CDH26: variants seen among roughly 807,000 people sequenced by gnomAD.
CDH26 encodes cadherin-like protein 26.
A neutral mutation model predicts 90.3 loss-of-function variants in CDH26; 83 were observed. The observed-to-expected ratio is 0.92, with a 90% confidence interval of 0.77 to 1.10. The LOEUF is 1.10. Ranked by LOEUF, CDH26 falls within the 50% of genes least tolerant of loss-of-function variation. The probability of loss-of-function intolerance (pLI) is 0.00; values close to 1 mark genes in which losing one functional copy is unlikely to be tolerated. For synonymous variants in CDH26, 397 were observed against 396.3 expected (o/e 1.00, Z -0.02); for missense variants, 1,013 against 1,037.6 (o/e 0.98, Z 0.33).
rs1432064461 is a variant in CDH26 at position 59,972,045 on chromosome 20, G to T, written c.315G>T (p.Leu105Phe). The change falls in exon 4 of 18, where the codon TTG becomes TTT. Residue 105 changes from leucine (L) to phenylalanine (F), a missense_variant. By Grantham distance (22) the Leu-to-Phe change is conservative. Transcript: ENST00000348616. ...PGVDEYPEIG[L>F]FSLEDHENGR... is the part of the protein sequence containing the mutation. Reference sequence around the variant, plus strand: ...TGGATGAATATCCAGAGATTGGTTTGTTTTCTCTAGAAGATCATGAGAACG... The same window carrying T: ...TGGATGAATATCCAGAGATTGGTTTTTTTTCTCTAGAAGATCATGAGAACG... The T allele has an allele frequency of 6.2e-7, 1 of 1,613,794 alleles. No homozygotes were observed. Among genetic ancestry groups the T allele is most frequent in the East Asian group, 2.2e-5 (1 of 44,858 alleles).
At chr20:59,997,125 A>G (rs1178208499) in intron 13 of CDH26, among the ~76,000 whole-genome samples, 1 of 152,234 alleles carries the variant, frequency 6.6e-6, no homozygotes, top group Admixed American at 6.5e-5. Flanking sequence ...TATCTGCCCC[A>G]GTTTCCTAAG....
chr20:59,989,534 C>CA (rs924037162), intron 9 of CDH26, among the ~76,000 whole-genome samples: 11,682 of 74,132 alleles, frequency 0.16, 619 homozygotes, highest in South Asian at 0.22. Context: ...GACTCCGTCT[C>CA]AAAAAAAAAA....
intron 7 of CDH26, among the ~76,000 whole-genome samples, chr20:60,025,086 GC>G (rs778861309): frequency 1.3e-5 from 2 of 152,206 alleles, no homozygotes; most frequent in Admixed American, 6.5e-5. Context: ...CCTCACACTG[GC>G]AGGCCAAAAA....
chr20:59,967,850 TTTCTTTCTTTC>T (rs1403564940), intron 1 of CDH26, among the ~76,000 whole-genome samples: 1 of 107,346 alleles, frequency 9.3e-6, no homozygotes, highest in Non-Finnish European at 1.8e-5. Flanking sequence ...TCTTTCTTTC[TTTCTTTCTTTC>T]TTTCTTTCTT....
chr20:59,975,122 C>CA (rs2061312902), intron 4 of CDH26, among the ~76,000 whole-genome samples: 1 of 152,058 alleles, frequency 6.6e-6, no homozygotes, highest in Non-Finnish European at 1.5e-5. Context: ...TTGTGTCTCC[C>CA]AAAAATACAT....
intron 14 of CDH26, among the ~76,000 whole-genome samples, chr20:60,000,061 A>C (rs2061655475): frequency 6.6e-6 from 1 of 152,232 alleles, no homozygotes; most frequent in Admixed American, 6.5e-5. Flanking sequence ...TGTAAATGAA[A>C]ACAGTTTTAC....
chr20:59,989,189 G>T, intron 9 of CDH26, 26 bp downstream of exon 9: 3 of 1,611,510 alleles, frequency 1.9e-6, no homozygotes, highest in South Asian at 1.1e-5. Flanking sequence ...CAAGAAGGGC[G>T]GTTGTTTAAG....
downstream of CDH26, among the ~76,000 whole-genome samples, chr20:60,016,475 C>A (rs374427428): frequency 1.4e-4 from 22 of 152,266 alleles, no homozygotes; most frequent in South Asian, 4.3e-3. Flanking sequence ...TCTCCAGCAA[C>A]TTTGCTGAAT....
intron 4 of CDH26, among the ~76,000 whole-genome samples, chr20:59,977,006 G>A (rs942692532): frequency 2.0e-5 from 3 of 152,104 alleles, no homozygotes; most frequent in South Asian, 4.1e-4. Context: ...TCGGCGGAAG[G>A]TGCAGTCTTG....
At chr20:59,995,025 A>C (rs575187238) in intron 11 of CDH26, among the ~76,000 whole-genome samples, 82 of 152,324 alleles carry the variant, frequency 5.4e-4, no homozygotes, top group Non-Finnish European at 8.5e-4. Context: ...ACTGGCATCC[A>C]CTGTCAACAC....
intron 7 of CDH26, among the ~76,000 whole-genome samples, chr20:60,028,748 A>G (rs769809349): frequency 5.9e-5 from 9 of 152,196 alleles, no homozygotes; most frequent in Non-Finnish European, 1.3e-4. Context: ...GTAAAATGGT[A>G]CTGCTGCTGT....
At chr20:60,015,286 C>T (rs1277759121), downstream of CDH26, among the ~76,000 whole-genome samples, 12 of 152,176 alleles carry the variant, frequency 7.9e-5, no homozygotes, top group Admixed American at 7.9e-4. Flanking sequence ...GCATCTGGCC[C>T]AGCATTGGCT....
chr20:60,033,510 A>G, exon 9 of CDH26: 4 of 1,304,300 alleles, frequency 3.1e-6, no homozygotes, highest in Non-Finnish European at 4.0e-6. Flanking sequence ...GCTGGGAGAA[A>G]GCAAAGGAGC....
chr20:59,977,616 T>G (rs1282819528), intron 4 of CDH26, among the ~76,000 whole-genome samples: 1 of 152,088 alleles, frequency 6.6e-6, no homozygotes, highest in East Asian at 1.9e-4. Flanking sequence ...TAGAGCAGTT[T>G]TAGATTGACA....
chr20:59,996,302 G>A, intron 12 of CDH26: 1 of 1,313,104 alleles, frequency 7.6e-7, no homozygotes, highest in Non-Finnish European at 1.0e-6. Flanking sequence ...TAGTCAAGGA[G>A]TGGCCCTTTG....
intron 4 of CDH26, among the ~76,000 whole-genome samples, chr20:59,981,937 TA>T (rs929487398): frequency 6.6e-6 from 1 of 152,046 alleles, no homozygotes; most frequent in African/African-American, 2.4e-5. Flanking sequence ...AATTTCACTT[TA>T]AAAAAATATA....
At chr20:60,022,307 G>A (rs1159326041) in intron 7 of CDH26, among the ~76,000 whole-genome samples, 1 of 152,186 alleles carries the variant, frequency 6.6e-6, no homozygotes, top group African/African-American at 2.4e-5. Context: ...GAGAAAATGT[G>A]ATTTTATTAT....
Position 59,995,956 on chromosome 20 carries a change from G to T in CDH26, c.1790G>T (p.Cys597Phe), listed in dbSNP as rs1379099143. The T allele has an allele frequency of 6.2e-7, 1 of 1,614,130 alleles. No individual in the cohort carries two copies. The highest frequency in any genetic ancestry group is 8.5e-7 in the Non-Finnish European group (1 of 1,180,052). ...KQTVHVRICP[C>F]ASGLTCVELA... is the part of the protein sequence containing the mutation. ...ACTGTCCATGTAAGGATCTGCCCCT[G>T]TGCCAGTGGGCTCACATGTGTGGAG... Residue 597 changes from cysteine to phenylalanine, a missense_variant, in exon 12 of 18, where the codon TGT becomes TTT. Transcript: ENST00000348616.
At chr20:59,973,737 T>C (rs1369977693) in intron 4 of CDH26, among the ~76,000 whole-genome samples, 2 of 152,252 alleles carry the variant, frequency 1.3e-5, no homozygotes, top group African/African-American at 2.4e-5. Flanking sequence ...TTCTTTTTTA[T>C]GGCTGCATAG....
Sources: gnomAD v4.1 joint callset for allele counts (sites outside exome capture counted in the v4.1 genomes callset) on GRCh38, gnomAD v4.1.1 for gene constraint, MANE v1.5 for transcripts, NCBI Gene and HGNC (gene_info 2026-07-23, HGNC 2026-07-21) for gene names.